Variants in ADAMTS10 observed in about 807,000 individuals in gnomAD.
ADAMTS10 encodes the protein ADAM metallopeptidase with thrombospondin type 1 motif 10.
A neutral mutation model predicts 135.9 loss-of-function variants in ADAMTS10; 48 were observed. The observed-to-expected ratio is 0.35, with a 90% confidence interval of 0.28 to 0.45. The LOEUF is 0.45. ADAMTS10 is among the 20% of genes least tolerant of loss of function. The probability of loss-of-function intolerance (pLI) is 1.00; values close to 1 mark genes in which losing one functional copy is unlikely to be tolerated. For synonymous variants in ADAMTS10, 621 were observed against 647.5 expected, an observed-to-expected ratio of 0.96 and a Z score of 0.62; for missense variants, 1,131 against 1,565.2, an observed-to-expected ratio of 0.72 and a Z score of 4.68.
chr19:8,592,531 G>A (rs1172113230), intron 13 of ADAMTS10, among the ~76,000 whole-genome samples: 1 of 151,930 alleles, frequency 6.6e-6, no homozygotes, highest in African/African-American at 2.4e-5. Flanking sequence ...CAACGCGGGA[G>A]GGAGTTAAAC....
At chr19:8,598,833 CCAA>C (rs2042633550) in intron 6 of ADAMTS10, among the ~76,000 whole-genome samples, 87 of 152,058 alleles carry the variant, frequency 5.7e-4, no homozygotes, top group African/African-American at 2.1e-3. Context: ...CCTCGGCCTC[CCAA>C]AGTGTTGGGA....
chr19:8,592,185 C>G lies in ADAMTS10; in HGVS notation c.1588-82G>C, dbSNP rs547297066. Reference sequence around the variant, plus strand: ...CATGCACCGTTCCCCACTCCAGGCCCCAGCCAGAGATATCAGCCTCTCCGG... The same window carrying G: ...CATGCACCGTTCCCCACTCCAGGCCGCAGCCAGAGATATCAGCCTCTCCGG... On this transcript the variant is annotated intron_variant, in intron 13 of 25. Coordinates refer to ENST00000597188, the MANE Select transcript of ADAMTS10 (RefSeq NM_030957.4). 2.9e-6 allele frequency: 4 copies of G among 1,400,096 alleles called. No homozygotes were observed. The South Asian group carries it at 5.0e-5, about 17-fold the overall frequency. 86.7% of individuals were successfully genotyped at this position (1,400,096 alleles called of 1,614,324 possible). A position where few individuals can be genotyped will look rare whatever the true frequency, so the allele number is the denominator to read the frequency against.
Position 8,592,050 on chromosome 19 carries a change from G to T in ADAMTS10, c.1641C>A (p.Asp547Glu), listed in dbSNP as rs1555739101. The T allele has an allele frequency of 6.2e-7, 1 of 1,613,548 alleles. No individual in the cohort carries two copies. Among genetic ancestry groups the T allele is most frequent in the African/African-American group, 1.3e-5 (1 of 74,922 alleles). ...ATGGAGTCCACGGCCCCCAGGCTCC[G>T]TCCACACCCTCTGGGCGCGACCCAA... ...VPFGSRPEGV[D>E]GAWGPWTPWG... Residue 547 changes from aspartate (D) to glutamate (E), a missense_variant, in exon 14 of 26, where the codon GAC becomes GAA. By Grantham distance (45) the Asp-to-Glu change is conservative (BLOSUM62 2). This residue lies in a region of ADAMTS10 where 745 missense variants were observed against 1,056.3 expected (regional missense o/e 0.71). Transcript: ENST00000597188.
At chr19:8,606,404 T>A (rs147533583) in intron 2 of ADAMTS10, among the ~76,000 whole-genome samples, 168 of 152,216 alleles carry the variant, frequency 1.1e-3, no homozygotes, top group Non-Finnish European at 1.9e-3. Context: ...GTCATGGTCA[T>A]CACGCTCTTT....
Position 8,585,290 on chromosome 19 carries a change from G to A in ADAMTS10, c.2884C>T (p.Pro962Ser). 2 of 1,520,416 alleles carry A rather than the reference G, an allele frequency of 1.3e-6. No homozygotes were observed. The highest frequency in any genetic ancestry group is 1.4e-5 in the African/African-American group (1 of 73,274). The allele number at this position is 1,520,416 out of a possible 1,614,324, so 94.2% of individuals were successfully genotyped here. ...DWSECTPSCGPGLRHRVVLCK... is the reference protein window; with the variant it reads ...DWSECTPSCGSGLRHRVVLCK... ...AGGACCACGCGGTGGCGGAGGCCCGGCCCGCAGCTGGGGGTGCACTGCAGT... is the reference window on the plus strand; with the variant it reads ...AGGACCACGCGGTGGCGGAGGCCCGACCCGCAGCTGGGGGTGCACTGCAGT... The change falls in exon 24 of 26, where the codon CCG becomes TCG. Residue 962 changes from proline to serine, a missense_variant. Around this residue, in one of 3 missense-constraint regions of ADAMTS10, gnomAD observed 745 missense variants for 1,056.3 expected, o/e 0.71. Coordinates refer to ENST00000597188, the MANE Select transcript of ADAMTS10 (RefSeq NM_030957.4).
chr19:8,591,779 A>G, intron 15 of ADAMTS10, 21 bp downstream of exon 15: 1 of 1,612,674 alleles, frequency 6.2e-7, no homozygotes, highest in Non-Finnish European at 8.5e-7. Flanking sequence ...CCCACCCCTC[A>G]AGGGGTTTGG....
intron 4 of ADAMTS10, 161 bp downstream of exon 4, chr19:8,604,851 C>A: frequency 1.3e-6 from 1 of 787,440 alleles, no homozygotes; most frequent in Non-Finnish European, 2.0e-6. Context: ...ATACATTTTC[C>A]TTTAAGTACT....
At chr19:8,592,995 C>G in intron 12 of ADAMTS10, 125 bp from the exon 13 acceptor site, 1 of 858,274 alleles carries the variant, frequency 1.2e-6, no homozygotes, top group East Asian at 2.7e-5. Flanking sequence ...CCGGTGCTCC[C>G]TTCCTGGCTC....
Position 8,589,368 on chromosome 19 carries a change from G to T in ADAMTS10, c.2035-3C>A, listed in dbSNP as rs2042487053. On this transcript the variant is annotated splice_region_variant and splice_polypyrimidine_tract_variant and intron_variant, in intron 17 of 25. Transcript: ENST00000597188. Reference sequence around the variant, plus strand: ...AGGACTCGGTCGCAGCCCACGTGCTGCGTGGAGAAGGCGTGAGTGAGGCGA... The same window carrying T: ...AGGACTCGGTCGCAGCCCACGTGCTTCGTGGAGAAGGCGTGAGTGAGGCGA... 1 of 1,612,136 alleles carries T rather than the reference G, an allele frequency of 6.2e-7. No homozygotes were observed. Among genetic ancestry groups the T allele is most frequent in the Non-Finnish European group, 8.5e-7 (1 of 1,179,916 alleles).
intron 6 of ADAMTS10, among the ~76,000 whole-genome samples, chr19:8,598,678 G>A (rs1016427796): frequency 6.2e-5 from 9 of 145,382 alleles, no homozygotes; most frequent in African/African-American, 2.3e-4. Context: ...GGGTTCAAGC[G>A]ATTCTCCAGC....
Position 8,605,826 on chromosome 19 carries a change from A to G in ADAMTS10, c.-99-17T>C. 5 of 1,503,564 alleles carry G rather than the reference A, an allele frequency of 3.3e-6. No individual in the cohort carries two copies. Among genetic ancestry groups the G allele is most frequent in the Non-Finnish European group, 4.4e-6 (5 of 1,129,116 alleles). The allele number at this position is 1,503,564 out of a possible 1,614,324, so 93.1% of individuals were successfully genotyped here. A position where few individuals can be genotyped will look rare whatever the true frequency, so the allele number is the denominator to read the frequency against. On this transcript the variant is annotated splice_polypyrimidine_tract_variant and intron_variant, in intron 2 of 25. Coordinates refer to ENST00000597188, the MANE Select transcript of ADAMTS10 (RefSeq NM_030957.4). This position sits in a 1 kb window ranked among gnomAD's most constrained non-coding sequence, Gnocchi z 7.7. ...ACCGGGCTCCTGGGAGGGGGGAGCC[A>G]GGTAAGGGGGCGCCTGGTCCCGCTG...
At chr19:8,592,433 A>C (rs1487723373) in intron 13 of ADAMTS10, among the ~76,000 whole-genome samples, 2 of 150,490 alleles carry the variant, frequency 1.3e-5, no homozygotes, top group East Asian at 2.0e-4. Context: ...AGCCGAGGGC[A>C]GCACAGGGGA....
rs1555741447 is a variant in ADAMTS10, at chr19:8,601,008, G to C, written c.730C>G (p.Leu244Val). ...ACCATCATCTTGTCAGCCACCACCA[G>C]GGTCTCCACGTAGCGCTCTCGGCTG... is the stretch of plus-strand genomic sequence containing the variant. ...SVSRERYVET[L>V]VVADKMMVAY... is the part of the protein sequence containing the mutation. Residue 244 changes from leucine (L) to valine (V), a missense_variant, in exon 6 of 26, where the codon CTG becomes GTG. Physicochemically the swap from Leu to Val is conservative, Grantham distance 32. Coordinates refer to ENST00000597188, the MANE Select transcript of ADAMTS10 (RefSeq NM_030957.4). The surrounding 1 kb of genome is among the most constrained non-coding windows in gnomAD (Gnocchi z 4.6). 1.9e-6 allele frequency: 3 copies of C among 1,614,146 alleles called. No homozygotes were observed. The highest frequency in any genetic ancestry group is 2.5e-6 in the Non-Finnish European group (3 of 1,180,040).
At chr19:8,595,700 C>CCGA in intron 12 of ADAMTS10, 62 bp downstream of exon 12, 13 of 1,317,826 alleles carry the variant, frequency 9.9e-6, no homozygotes, top group Non-Finnish European at 1.3e-5. Flanking sequence ...GGTGGAGTTC[C>CCGA]CTCCCCCAGC....
At chr19:8,589,754 A>G (rs2042496413) in intron 16 of ADAMTS10, 135 bp downstream of exon 16, 1 of 1,397,654 alleles carries the variant, frequency 7.2e-7, no homozygotes, top group Non-Finnish European at 9.8e-7. Flanking sequence ...ATGGTACCGT[A>G]TCCCAGGTAC....
chr19:8,588,919 G>A (rs2042477340), intron 18 of ADAMTS10, among the ~76,000 whole-genome samples: 2 of 152,042 alleles, frequency 1.3e-5, no homozygotes, highest in East Asian at 1.9e-4. Flanking sequence ...AGCTTCCTGA[G>A]TAGCTGGGAT....
chr19:8,582,380 A>C (rs1302013543), intron 25 of ADAMTS10, among the ~76,000 whole-genome samples: 1 of 152,066 alleles, frequency 6.6e-6, no homozygotes, highest in Admixed American at 6.6e-5. Context: ...AGGCAGGAGA[A>C]TGGCGTGAAC....
chr19:8,583,595 C>T (rs529837206), intron 25 of ADAMTS10, among the ~76,000 whole-genome samples: 1 of 152,176 alleles, frequency 6.6e-6, no homozygotes, highest in Admixed American at 6.5e-5. Context: ...GCCTGTAATC[C>T]CAGCACTTTG....
At chr19:8,585,720 AG>A in intron 22 of ADAMTS10, 60 bp from the exon 23 acceptor site, 1 of 1,525,582 alleles carries the variant, frequency 6.6e-7, no homozygotes, top group South Asian at 1.1e-5. Context: ...ACACAACAGC[AG>A]GGGGCACTAT....
Sources: gnomAD v4.1 joint callset for allele counts (sites outside exome capture counted in the v4.1 genomes callset) on GRCh38, gnomAD v4.1.1 for gene constraint, gnomAD v4.1.1 regional missense constraint, Gnocchi (gnomAD v3.1) non-coding constraint, MANE v1.5 for transcripts, NCBI Gene and HGNC (gene_info 2026-07-23, HGNC 2026-07-21) for gene names.